Variants in GSTCD observed in about 807,000 individuals in gnomAD.
GSTCD encodes the protein glutathione S-transferase C-terminal domain-containing protein.
Under a neutral mutation model 68.3 loss-of-function variants are expected in GSTCD, and 44 were observed. The ratio of observed to expected loss-of-function variants is 0.64; its 90% CI spans 0.51 to 0.83. GSTCD has a LOEUF of 0.83. Ranked by LOEUF, GSTCD falls within the 40% of genes least tolerant of loss-of-function variation. GSTCD has a pLI of 0.00. For synonymous variants in GSTCD, 273 were observed against 255.2 expected (o/e 1.07, Z -0.67); for missense variants, 739 against 735.9 (o/e 1.00, Z -0.05).
chr4:105,731,504 G>C (rs1220888215), intron 5 of GSTCD, among the ~76,000 whole-genome samples: 1 of 152,020 alleles, frequency 6.6e-6, no homozygotes, highest in Admixed American at 6.6e-5. Flanking sequence ...TTGTGAATGG[G>C]AGTTCACTCA....
chr4:105,778,615 C>T (rs537168835), intron 5 of GSTCD, among the ~76,000 whole-genome samples: 172 of 152,068 alleles, frequency 1.1e-3, no homozygotes, highest in Non-Finnish European at 2.1e-3. Context: ...TAAGTGACAG[C>T]TTACAACAGC....
At chr4:105,794,609 G>A (rs192124790) in intron 5 of GSTCD, among the ~76,000 whole-genome samples, 223 of 151,256 alleles carry the variant, frequency 1.5e-3, no homozygotes, top group Non-Finnish European at 2.9e-3. Flanking sequence ...ACACTCACAT[G>A]TTTTAATATT....
chr4:105,810,626 T>G (rs1722713939), intron 5 of GSTCD, among the ~76,000 whole-genome samples: 1 of 152,192 alleles, frequency 6.6e-6, no homozygotes, highest in Non-Finnish European at 1.5e-5. Flanking sequence ...TGACTTTATG[T>G]TCTCAGGATA....
intron 5 of GSTCD, among the ~76,000 whole-genome samples, chr4:105,793,153 A>G (rs1735739211): frequency 2.0e-5 from 3 of 152,002 alleles, no homozygotes; most frequent in Non-Finnish European, 4.4e-5. Flanking sequence ...TGTTATCTAA[A>G]TCTTAACTCT....
chr4:105,749,336 A>T (rs72956940), intron 5 of GSTCD, among the ~76,000 whole-genome samples: 4,258 of 152,138 alleles, frequency 0.028, 176 homozygotes, highest in African/African-American at 0.089. Flanking sequence ...CATAGTTTTT[A>T]TCAAAATCTG....
At position 105,773,323 on chromosome 4, in the gene GSTCD, A is replaced by AT. The variant is rs1002549011; in HGVS notation, c.1240+43832dup. On this transcript the variant is annotated intron_variant, in intron 5 of 11. Transcript: ENST00000515279. ...AAAAATCCAGCTCCTGGATTCATTG[A>AT]TTTTTTTTGAAGGGTTTTTCATGTC... is the stretch of plus-strand genomic sequence containing the variant. Among the ~76,000 whole-genome samples, 22 of 151,700 alleles carry AT rather than the reference A, an allele frequency of 1.5e-4. No homozygotes were observed. In the East Asian group the frequency reaches 1.7e-3, roughly 12 times the overall value.
At chr4:105,801,101 A>G (rs1736089665) in intron 5 of GSTCD, among the ~76,000 whole-genome samples, 1 of 152,160 alleles carries the variant, frequency 6.6e-6, no homozygotes, top group Non-Finnish European at 1.5e-5. Context: ...ATGTAGAACT[A>G]AATGGACCAT....
chr4:105,757,022 A>C (rs1200693087), intron 5 of GSTCD, among the ~76,000 whole-genome samples: 1 of 152,182 alleles, frequency 6.6e-6, no homozygotes, highest in East Asian at 1.9e-4. Context: ...AATTAATAAA[A>C]TTTGAAATTT....
chr4:105,835,619 C>T (rs924175375), intron 9 of GSTCD, among the ~76,000 whole-genome samples: 1 of 152,034 alleles, frequency 6.6e-6, no homozygotes, highest in African/African-American at 2.4e-5. Flanking sequence ...CCTGAAGGGC[C>T]GCATCTCTTC....
chr4:105,759,527 G>C (rs778097620), intron 5 of GSTCD, among the ~76,000 whole-genome samples: 21 of 152,096 alleles, frequency 1.4e-4, no homozygotes, highest in Non-Finnish European at 2.8e-4. Flanking sequence ...TCCTTAAACA[G>C]ACTGAGCTAC....
chr4:105,769,256 C>T (rs1409858598), intron 5 of GSTCD, among the ~76,000 whole-genome samples: 4 of 151,640 alleles, frequency 2.6e-5, no homozygotes, highest in African/African-American at 9.7e-5. Flanking sequence ...CACACACACA[C>T]ACACACACAC....
rs778637904 is a variant in GSTCD at position 105,726,735 on chromosome 4, G to A, written c.1051G>A (p.Glu351Lys). Residue 351 changes from glutamate to lysine, a missense_variant, in exon 4 of 12, where the codon GAA becomes AAA. By Grantham distance (56) the Glu-to-Lys change is moderately conservative. Transcript: ENST00000515279. ...HLPKLLTTSTEQHPNLCEVPG... is the reference protein window; with the variant it reads ...HLPKLLTTSTKQHPNLCEVPG... The stretch of plus-strand genomic sequence containing the variant: ...ACCAAAGTTGTTGACAACCTCAACT[G>A]AACAGCATCCAAACTTATGTGAAGT... The A allele has an allele frequency of 3.7e-6, 6 of 1,613,776 alleles. No individual in the cohort carries two copies. Among genetic ancestry groups the A allele is most frequent in the Non-Finnish European group, 5.1e-6 (6 of 1,179,870 alleles).
At chr4:105,807,054 T>C (rs1722542664) in intron 5 of GSTCD, 1 of 152,154 alleles carries the variant, frequency 6.6e-6, no homozygotes, top group Non-Finnish European at 1.5e-5. Context: ...TGACTTCATC[T>C]TCTCTTCCTC....
At chr4:105,725,492 T>A (rs1393349151) in intron 3 of GSTCD, among the ~76,000 whole-genome samples, 1 of 152,128 alleles carries the variant, frequency 6.6e-6, no homozygotes. Flanking sequence ...ATGCGCACCA[T>A]CATTTGGAGT....
intron 5 of GSTCD, among the ~76,000 whole-genome samples, chr4:105,786,474 C>T (rs1201555054): frequency 6.7e-6 from 1 of 150,110 alleles, no homozygotes; most frequent in Non-Finnish European, 1.5e-5. Context: ...GACTGCGCGC[C>T]ACTGCACTCT....
At chr4:105,755,456 T>C (rs897339793) in intron 5 of GSTCD, among the ~76,000 whole-genome samples, 6 of 152,136 alleles carry the variant, frequency 3.9e-5, no homozygotes, top group African/African-American at 1.2e-4. Flanking sequence ...TTCTTTGAGA[T>C]AGAGGAAAAA....
rs1233507300 is a variant in GSTCD at position 105,719,200 on chromosome 4, G to A, written c.567G>A (p.Val189=). 6.8e-6 allele frequency: 11 copies of A among 1,613,970 alleles called. No individual in the cohort carries two copies. Among genetic ancestry groups the A allele is most frequent in the Non-Finnish European group, 9.3e-6 (11 of 1,180,018 alleles). The change falls in exon 3 of 12, where the codon GTG becomes GTA. Residue 189 remains valine, a synonymous_variant. Transcript: ENST00000515279. ...LEKKLSEPVR[V]HNDDKLRRQK... is the part of the protein sequence containing the mutation. ...AAAAGCTTAGTGAGCCTGTTAGAGT[G>A]CATAATGATGATAAACTCCGCAGGC...
At chr4:105,843,942 G>T (rs569109962) in intron 11 of GSTCD, among the ~76,000 whole-genome samples, 1 of 151,904 alleles carries the variant, frequency 6.6e-6, no homozygotes, top group Non-Finnish European at 1.5e-5. Flanking sequence ...AGAACGGGGG[G>T]AATCACATTG....
intron 5 of GSTCD, among the ~76,000 whole-genome samples, chr4:105,749,183 A>T (rs200389576): frequency 1.9e-4 from 1 of 5,132 alleles, no homozygotes; most frequent in Non-Finnish European, 8.1e-4. Flanking sequence ...GAAAAAAAGA[A>T]ACGTAAAATG....
Sources: gnomAD v4.1 joint callset for allele counts (sites outside exome capture counted in the v4.1 genomes callset) on GRCh38, gnomAD v4.1.1 for gene constraint, MANE v1.5 for transcripts, NCBI Gene and HGNC (gene_info 2026-07-23, HGNC 2026-07-21) for gene names.